Variants in RANBP17 observed in about 807,000 individuals in gnomAD.
RANBP17 encodes the protein ran-binding protein 17.
Under a neutral mutation model 141.2 loss-of-function variants are expected in RANBP17, and 158 were observed. That is an observed-to-expected ratio of 1.12 (90% CI 0.98 to 1.28). RANBP17 has a LOEUF of 1.28. Among genes scored for constraint, RANBP17 ranks in the 50% most tolerant of loss-of-function variants. RANBP17 has a pLI of 0.00. For synonymous variants in RANBP17, 430 were observed against 450.0 expected (o/e 0.96, Z 0.56); for missense variants, 1,438 against 1,290.7 (o/e 1.11, Z -1.75).
chr5:171,241,583 C>A (rs1420120389), intron 23 of RANBP17, among the ~76,000 whole-genome samples: 1 of 152,112 alleles, frequency 6.6e-6, no homozygotes, highest in Non-Finnish European at 1.5e-5. Context: ...GAGAGGACTT[C>A]CTTGTAGTAG....
At chr5:171,280,591 T>C (rs1767794896) in intron 25 of RANBP17, among the ~76,000 whole-genome samples, 1 of 152,216 alleles carries the variant, frequency 6.6e-6, no homozygotes, top group South Asian at 2.1e-4. Flanking sequence ...ATGGAAAGTT[T>C]AACCAGCAGT....
At chr5:170,884,443 G>T (rs773849658) in intron 3 of RANBP17, among the ~76,000 whole-genome samples, 2 of 152,042 alleles carry the variant, frequency 1.3e-5, no homozygotes, top group Non-Finnish European at 2.9e-5. Context: ...CTAGAGAAAA[G>T]AATATTATTT....
At chr5:171,254,627 TAAG>T (rs1325462515) in intron 24 of RANBP17, among the ~76,000 whole-genome samples, 1 of 152,228 alleles carries the variant, frequency 6.6e-6, no homozygotes, top group Non-Finnish European at 1.5e-5. Context: ...TTGGGGGTTT[TAAG>T]AAGTAATATA....
intron 14 of RANBP17, among the ~76,000 whole-genome samples, chr5:171,117,199 G>A (rs949387241): frequency 2.0e-5 from 3 of 152,130 alleles, no homozygotes; most frequent in Non-Finnish European, 4.4e-5. Context: ...CCAGTAATAG[G>A]ACTGTCAAAT....
chr5:171,263,270 C>A (rs1040977779), intron 24 of RANBP17, among the ~76,000 whole-genome samples: 2 of 152,306 alleles, frequency 1.3e-5, no homozygotes, highest in South Asian at 4.1e-4. Context: ...AGTCTACCTG[C>A]TCACCATTTT....
chr5:170,971,948 T>C (rs992505239), intron 14 of RANBP17, among the ~76,000 whole-genome samples: 2 of 152,242 alleles, frequency 1.3e-5, no homozygotes, highest in Middle Eastern at 3.4e-3. Context: ...TTTTGTCAAG[T>C]CTTAATGCTT....
At chr5:171,155,056 C>T (rs865872858) in intron 14 of RANBP17, among the ~76,000 whole-genome samples, 39 of 124,296 alleles carry the variant, frequency 3.1e-4, no homozygotes, top group African/African-American at 1.2e-3. Context: ...CCAGCCTGGG[C>T]GACAGAGTGA....
intron 21 of RANBP17, among the ~76,000 whole-genome samples, chr5:171,221,168 A>G (rs1357507794): frequency 6.6e-6 from 1 of 152,234 alleles, no homozygotes; most frequent in Non-Finnish European, 1.5e-5. Context: ...GAACCAGGAA[A>G]GTAGAATTGC....
chr5:171,199,056 T>C (rs1462943435), intron 18 of RANBP17, among the ~76,000 whole-genome samples: 2 of 152,066 alleles, frequency 1.3e-5, no homozygotes, highest in Admixed American at 1.3e-4. Flanking sequence ...AAATGTCTCT[T>C]TTCCCTCTTC....
chr5:171,010,580 AAG>A (rs1041137155), intron 14 of RANBP17, among the ~76,000 whole-genome samples: 70 of 152,274 alleles, frequency 4.6e-4, no homozygotes, highest in African/African-American at 1.7e-3. Context: ...AATCTGCAGA[AAG>A]AGACCAGCAG....
chr5:171,277,938 CTTTTTTTTT>C lies in RANBP17; in HGVS notation c.2943+12114_2943+12122del, dbSNP rs140208253. 6.9e-4 allele frequency among the ~76,000 whole-genome samples: 50 copies of C among 72,262 alleles called. No individual in the cohort carries two copies. The South Asian group carries it at 0.031, about 44-fold the overall frequency. The allele number at this position is 72,262 out of a possible 152,430, so 47.4% of individuals were successfully genotyped here. A position where few individuals can be genotyped will look rare whatever the true frequency, so the allele number is the denominator to read the frequency against. On this transcript the variant is annotated intron_variant, in intron 25 of 27. Coordinates refer to ENST00000523189, the MANE Select transcript of RANBP17 (RefSeq NM_022897.5). ...CAGTCCTTGAGCCTAGGACTTCTTT[CTTTTTTTTT>C]TTTTTTTTTTTTTTTTTTTTTTGAT...
chr5:171,233,876 T>C lies in RANBP17; in HGVS notation c.2423-7052T>C, dbSNP rs573081294. The stretch of plus-strand genomic sequence containing the variant: ...ACACCACCAACAGTGAACGCTGATG[T>C]AAACTATGACATTGACTGATAATGA... On this transcript the variant is annotated intron_variant, in intron 22 of 27. Coordinates refer to ENST00000523189, the MANE Select transcript of RANBP17 (RefSeq NM_022897.5). Among the ~76,000 whole-genome samples the C allele has an allele frequency of 2.2e-4, 33 of 152,314 alleles. 1 individual carries two copies. The South Asian group carries it at 6.6e-3, about 31-fold the overall frequency.
chr5:171,213,538 G>T, intron 20 of RANBP17, 93 bp from the exon 21 acceptor site: 1 of 837,520 alleles, frequency 1.2e-6, no homozygotes, highest in Non-Finnish European at 2.0e-6. Flanking sequence ...AACAAATGTG[G>T]ATTCCCTTTT....
intron 14 of RANBP17, among the ~76,000 whole-genome samples, chr5:171,137,020 C>T (rs1256571300): frequency 6.6e-6 from 1 of 152,030 alleles, no homozygotes; most frequent in African/African-American, 2.4e-5. Context: ...TATTCTGCTT[C>T]TGATTCCTGA....
At chr5:171,191,600 T>C (rs1236783258) in intron 18 of RANBP17, among the ~76,000 whole-genome samples, 1 of 151,446 alleles carries the variant, frequency 6.6e-6, no homozygotes, top group African/African-American at 2.4e-5. Context: ...GGCAGGAGAA[T>C]GGCGTGAACC....
In RANBP17 at chr5:170,932,450, T is replaced by C. The variant is rs573138928; in HGVS notation, c.1468+7900T>C. ...TCAGAACATCCAACACTATGTTGAA[T>C]AGGAGTGGTGAGAGAGGGCATCCCT... On this transcript the variant is annotated intron_variant, in intron 12 of 27. Coordinates refer to ENST00000523189, the MANE Select transcript of RANBP17 (RefSeq NM_022897.5). Among the ~76,000 whole-genome samples the C allele has an allele frequency of 1.2e-4, 18 of 152,328 alleles. No homozygotes were observed. The East Asian group carries it at 3.5e-3, about 29-fold the overall frequency.
At chr5:170,996,943 C>CTGA (rs1778855387) in intron 14 of RANBP17, among the ~76,000 whole-genome samples, 1 of 152,096 alleles carries the variant, frequency 6.6e-6, no homozygotes, top group Non-Finnish European at 1.5e-5. Context: ...CATAAGAATC[C>CTGA]TGAATGATAC....
At chr5:171,265,054 T>A (rs539100232) in intron 24 of RANBP17, among the ~76,000 whole-genome samples, 1 of 152,336 alleles carries the variant, frequency 6.6e-6, no homozygotes, top group African/African-American at 2.4e-5. Context: ...AGGATGAGGT[T>A]AGACCACTGT....
At chr5:171,065,866 T>C (rs908546433) in intron 14 of RANBP17, among the ~76,000 whole-genome samples, 5 of 151,890 alleles carry the variant, frequency 3.3e-5, no homozygotes, top group African/African-American at 1.2e-4. Context: ...TGTGTTTATT[T>C]TTATTATTTT....
Sources: gnomAD v4.1 joint callset for allele counts (sites outside exome capture counted in the v4.1 genomes callset) on GRCh38, gnomAD v4.1.1 for gene constraint, MANE v1.5 for transcripts, NCBI Gene and HGNC (gene_info 2026-07-23, HGNC 2026-07-21) for gene names.